MARK2: variants seen among roughly 807,000 people sequenced by gnomAD.
MARK2 encodes microtubule affinity regulating kinase 2.
Under a neutral mutation model 89.8 loss-of-function variants are expected in MARK2, and 16 were observed. The ratio of observed to expected loss-of-function variants is 0.18; its 90% CI spans 0.12 to 0.27. The LOEUF is 0.27. Ranked by LOEUF, MARK2 falls within the 10% of genes least tolerant of loss-of-function variation. The pLI, the probability that MARK2 is intolerant of heterozygous loss-of-function variation, is 1.00. For missense variants in MARK2, 621 were observed against 1,049.9 expected (o/e 0.59, Z 5.65); for synonymous variants, 382 against 399.5 (o/e 0.96, Z 0.52).
chr11:63,893,201 T>C (rs1940055262), intron 1 of MARK2, among the ~76,000 whole-genome samples: 1 of 150,950 alleles, frequency 6.6e-6, no homozygotes, highest in African/African-American at 2.4e-5. Context: ...TAATTTTTTG[T>C]AGAGACAGAG....
chr11:63,895,151 C>T lies in MARK2; in HGVS notation c.55-8C>T. 6.2e-7 allele frequency: 1 copy of T among 1,609,788 alleles called. No homozygotes were observed. The highest frequency in any genetic ancestry group is 1.7e-4 in the Middle Eastern group (1 of 6,002). On this transcript the variant is annotated splice_polypyrimidine_tract_variant and splice_region_variant and intron_variant, in intron 1 of 18. Coordinates refer to ENST00000402010, the MANE Select transcript of MARK2 (RefSeq NM_001039469.3). The stretch of plus-strand genomic sequence containing the variant: ...GCATGTAATGGTATCTCTGTTTCCA[C>T]CCCGCAGCCCACCTTGGGACACCTT...
intron 1 of MARK2, chr11:63,882,642 AATCTTCTCTTT>A (rs897893394): frequency 1.1e-4 from 16 of 152,210 alleles, no homozygotes; most frequent in African/African-American, 3.9e-4. Context: ...GGGCCATGCT[AATCTTCTCTTT>A]ATTGTTCCAT....
rs750984643 is a variant in MARK2, at chr11:63,895,142, C to CT, written c.55-16dup. 7.2e-5 allele frequency: 116 copies of CT among 1,607,380 alleles called. No homozygotes were observed. Among genetic ancestry groups the CT allele is most frequent in the Admixed American group, 3.4e-4 (20 of 59,544 alleles). ...GGAAGTGTGGCATGTAATGGTATCT[C>CT]TGTTTCCACCCCGCAGCCCACCTTG... On this transcript the variant is annotated splice_polypyrimidine_tract_variant and intron_variant, in intron 1 of 18. Coordinates refer to ENST00000402010, the MANE Select transcript of MARK2 (RefSeq NM_001039469.3).
Position 63,909,408 on chromosome 11 carries a change from G to A in MARK2, c.*171G>A. On this transcript the variant is annotated 3_prime_UTR_variant, in exon 19 of 19. Coordinates refer to ENST00000402010, the MANE Select transcript of MARK2 (RefSeq NM_001039469.3). Reference sequence around the variant, plus strand: ...TCTCTTACATGTTTGTGGGGGGTGGGAGATTGTTCTCCAGCACCCCACATT... The same window carrying A: ...TCTCTTACATGTTTGTGGGGGGTGGAAGATTGTTCTCCAGCACCCCACATT... 1 of 656,902 alleles carries A rather than the reference G, an allele frequency of 1.5e-6. No individual in the cohort carries two copies. Among genetic ancestry groups the A allele is most frequent in the Admixed American group, 3.5e-5 (1 of 28,556 alleles). The allele number at this position is 656,902 out of a possible 1,614,324, so 40.7% of individuals were successfully genotyped here.
intron 1 of MARK2, among the ~76,000 whole-genome samples, chr11:63,887,322 CTG>C (rs1362976756): frequency 7.2e-5 from 11 of 152,344 alleles, no homozygotes; most frequent in Admixed American, 2.6e-4. Context: ...TACTGAGAAG[CTG>C]TGAGATTTTG....
At chr11:63,870,431 A>T (rs1938381083) in intron 1 of MARK2, among the ~76,000 whole-genome samples, 1 of 152,172 alleles carries the variant, frequency 6.6e-6, no homozygotes, top group South Asian at 2.1e-4. Flanking sequence ...AAAAGGGGTC[A>T]CATGGAGCAG....
chr11:63,851,555 T>C (rs898838080), intron 1 of MARK2, among the ~76,000 whole-genome samples: 5 of 152,214 alleles, frequency 3.3e-5, no homozygotes, highest in Non-Finnish European at 5.9e-5. Flanking sequence ...TTCTTCATTA[T>C]CATGTCCTCA....
intron 1 of MARK2, 100 bp from the exon 2 acceptor site, chr11:63,895,059 G>C (rs763443092): frequency 4.3e-6 from 4 of 935,306 alleles, no homozygotes; most frequent in Non-Finnish European, 6.5e-6. Context: ...CCAGCCCCCT[G>C]GAATCTGCCC....
intron 1 of MARK2, among the ~76,000 whole-genome samples, chr11:63,872,503 C>T (rs1385242264): frequency 1.3e-5 from 2 of 152,292 alleles, no homozygotes; most frequent in African/African-American, 4.8e-5. Context: ...CATAGGCTGT[C>T]GTCTCCTGCC....
At chr11:63,908,335 C>T (rs1452486890) in intron 18 of MARK2, 31 bp downstream of exon 18, 1 of 1,542,178 alleles carries the variant, frequency 6.5e-7, no homozygotes, top group Admixed American at 2.0e-5. Context: ...ACTGGCCCTG[C>T]CCGGGCCACC....
intron 1 of MARK2, among the ~76,000 whole-genome samples, chr11:63,892,663 G>A (rs936088672): frequency 6.6e-6 from 1 of 151,198 alleles, no homozygotes; most frequent in Non-Finnish European, 1.5e-5. Flanking sequence ...TGGAGCGATC[G>A]CTCCAGATGT....
chr11:63,859,562 A>G (rs1288082750), intron 1 of MARK2, among the ~76,000 whole-genome samples: 2 of 150,832 alleles, frequency 1.3e-5, no homozygotes, highest in Non-Finnish European at 2.9e-5. Flanking sequence ...CTCGTGATCC[A>G]CCCACCTTGG....
chr11:63,876,305 G>A (rs1938751961), intron 1 of MARK2, among the ~76,000 whole-genome samples: 1 of 152,188 alleles, frequency 6.6e-6, no homozygotes, highest in African/African-American at 2.4e-5. Flanking sequence ...GAGAATTCGT[G>A]ATGAGCTTTG....
chr11:63,893,145 C>T (rs1333215816), intron 1 of MARK2, among the ~76,000 whole-genome samples: 1 of 151,028 alleles, frequency 6.6e-6, no homozygotes. Context: ...AACTCCTGAC[C>T]TCAAGCAATC....
intron 1 of MARK2, among the ~76,000 whole-genome samples, chr11:63,855,737 A>G (rs923970042): frequency 3.3e-5 from 5 of 152,310 alleles, no homozygotes; most frequent in South Asian, 4.1e-4. Context: ...GATTTTCTTC[A>G]TATGTTTCAA....
At chr11:63,839,824 C>T (rs1426489981) in intron 1 of MARK2, among the ~76,000 whole-genome samples, 1 of 152,178 alleles carries the variant, frequency 6.6e-6, no homozygotes, top group Non-Finnish European at 1.5e-5. Context: ...TTCCGTGTCA[C>T]CTCCCCAGCT....
At chr11:63,846,694 C>T (rs190835779) in intron 1 of MARK2, among the ~76,000 whole-genome samples, 2,282 of 135,460 alleles carry the variant, frequency 0.017, 24 homozygotes, top group Non-Finnish European at 0.024. Context: ...CTTGCCCTGT[C>T]GCCCAGGCTG....
At chr11:63,876,895 G>A (rs1308288446) in intron 1 of MARK2, among the ~76,000 whole-genome samples, 1 of 152,046 alleles carries the variant, frequency 6.6e-6, no homozygotes, top group African/African-American at 2.4e-5. Context: ...GGTTCCTGAG[G>A]GCTTCGACCA....
chr11:63,902,561 C>T lies in MARK2; in HGVS notation c.1235-40C>T, dbSNP rs1347929886. On this transcript the variant is annotated intron_variant, in intron 12 of 18. Coordinates refer to ENST00000402010, the MANE Select transcript of MARK2 (RefSeq NM_001039469.3). The surrounding 1 kb of genome is among the most constrained non-coding windows in gnomAD (Gnocchi z 4.2). Reference sequence around the variant, plus strand: ...ATGCGTGGGGCTGGCACTCAGTGGACCCCTTGGCCTTACCCATTCCCATCC... The same window carrying T: ...ATGCGTGGGGCTGGCACTCAGTGGATCCCTTGGCCTTACCCATTCCCATCC... The T allele has an allele frequency of 6.3e-7, 1 of 1,580,026 alleles. No individual in the cohort carries two copies.
Sources: allele counts gnomAD v4.1 joint callset (sites outside exome capture counted in the v4.1 genomes callset), GRCh38; gene constraint gnomAD v4.1.1; non-coding constraint Gnocchi (gnomAD v3.1); transcripts MANE v1.5; gene names NCBI Gene and HGNC (gene_info 2026-07-23, HGNC 2026-07-21).